The following ZP3 variants were observed in gnomAD, a reference collection of about 807,000 sequenced individuals.
ZP3 encodes zona pellucida glycoprotein 3, also known as zona pellucida sperm-binding protein 3.
In ZP3, 21 loss-of-function variants were observed where a neutral mutation model predicts 35.6. The observed-to-expected ratio is 0.59, with a 90% CI of 0.42 to 0.85. The LOEUF is 0.85. Among genes scored for constraint, ZP3 ranks in the 40% least tolerant of loss-of-function variants. The probability of loss-of-function intolerance (pLI) is 0.00; values close to 1 mark genes in which losing one functional copy is unlikely to be tolerated. For synonymous variants in ZP3, 207 were observed against 214.5 expected (o/e 0.96, Z 0.31); for missense variants, 437 against 536.5 (o/e 0.81, Z 1.83).
chr7:76,404,182 G>A (rs913722295), intron 1 of ZP3: 2 of 1,345,022 alleles, frequency 1.5e-6, no homozygotes, highest in Non-Finnish European at 2.0e-6. Context: ...TCTGGGCAAA[G>A]GTCAGCATTG....
At chr7:76,429,163 T>C in intron 1 of ZP3, 1 of 284,060 alleles carries the variant, frequency 3.5e-6, no homozygotes, top group Non-Finnish European at 7.0e-6. Context: ...GTATCTGCCA[T>C]GTGGTTGATC....
At chr7:76,410,657 C>T (rs755775226) in intron 1 of ZP3, among the ~76,000 whole-genome samples, 6 of 152,038 alleles carry the variant, frequency 3.9e-5, no homozygotes, top group Admixed American at 6.6e-5. Flanking sequence ...ACTTAATTTC[C>T]TGACTCCTGG....
intron 1 of ZP3, chr7:76,400,253 G>T: frequency 4.2e-6 from 6 of 1,435,206 alleles, no homozygotes; most frequent in Non-Finnish European, 4.6e-6. Flanking sequence ...GCCACAGTCT[G>T]TCTGTCCCTC....
rs2906996 is a variant in ZP3 at position 76,440,620 on chromosome 7, C to T, written c.1060+9C>T. ...CCGTAACCGCAGGCATGGTATGTCA[C>T]AGAATGGCCAAGAGGCTGTTCATTG... On this transcript the variant is annotated intron_variant, in intron 7 of 7. Coordinates refer to ENST00000394857, the MANE Select transcript of ZP3 (RefSeq NM_001110354.2). 0.052 allele frequency: 71,451 copies of T among 1,378,376 alleles called. No individual in the cohort carries two copies. The highest frequency in any genetic ancestry group is 0.056 in the Non-Finnish European group (57,673 of 1,028,458). The allele number at this position is 1,378,376 out of a possible 1,614,324, so 85.4% of individuals were successfully genotyped here.
intron 1 of ZP3, among the ~76,000 whole-genome samples, chr7:76,414,531 C>T (rs572794426): frequency 3.3e-5 from 5 of 151,712 alleles, no homozygotes; most frequent in African/African-American, 9.7e-5. Context: ...CTGAGTTTGC[C>T]TATTACGGAA....
At chr7:76,436,942 G>A (rs1345001495) in intron 5 of ZP3, among the ~76,000 whole-genome samples, 3 of 152,112 alleles carry the variant, frequency 2.0e-5, no homozygotes, top group African/African-American at 7.2e-5. Context: ...CTGAGCCCTT[G>A]GAGGGCCCCC....
chr7:76,400,883 C>T (rs1804801985), intron 1 of ZP3: 1 of 1,333,700 alleles, frequency 7.5e-7, no homozygotes, highest in Non-Finnish European at 1.0e-6. Context: ...ACTACAGCTC[C>T]CCTGAGATGG....
intron 1 of ZP3, among the ~76,000 whole-genome samples, chr7:76,410,999 G>A (rs111423064): frequency 0.2 from 14,784 of 75,414 alleles, 608 homozygotes; most frequent in African/African-American, 0.28. Context: ...CATCTCAAAA[G>A]AAAAAAAAAA....
chr7:76,434,174 T>G lies in ZP3; in HGVS notation c.831+19T>G. 1 of 1,090,058 alleles carries G rather than the reference T, an allele frequency of 9.2e-7. No homozygotes were observed. The highest frequency in any genetic ancestry group is 1.3e-6 in the Non-Finnish European group (1 of 752,144). The allele number at this position is 1,090,058 out of a possible 1,614,324, so 67.5% of individuals were successfully genotyped here. The stretch of plus-strand genomic sequence containing the variant: ...AAACATGGTAAGAGCTTTAACAGCC[T>G]GAAAGAAGGCTGAACTTGCAACCTT... On this transcript the variant is annotated intron_variant, in intron 5 of 7. Coordinates refer to ENST00000394857, the MANE Select transcript of ZP3 (RefSeq NM_001110354.2).
upstream of ZP3, among the ~76,000 whole-genome samples, chr7:76,423,007 A>G (rs6960611): frequency 3.8e-3 from 286 of 75,976 alleles, 9 homozygotes; most frequent in Admixed American, 0.013. Flanking sequence ...AAAAGAAAGA[A>G]AGAGAGAGAG....
chr7:76,399,820 G>A (rs1160397885), intron 1 of ZP3, among the ~76,000 whole-genome samples: 1 of 152,056 alleles, frequency 6.6e-6, no homozygotes, highest in Non-Finnish European at 1.5e-5. Flanking sequence ...CACCATGCCC[G>A]GCTGATTGTC....
intron 1 of ZP3, among the ~76,000 whole-genome samples, chr7:76,426,776 T>G (rs1805668686): frequency 6.6e-6 from 1 of 151,576 alleles, no homozygotes; most frequent in South Asian, 2.1e-4. Context: ...GCGCCTATAA[T>G]CCCAGCACTT....
chr7:76,416,827 TAC>T (rs1554623886), intron 1 of ZP3, among the ~76,000 whole-genome samples: 7 of 147,748 alleles, frequency 4.7e-5, no homozygotes, highest in Non-Finnish European at 6.0e-5. Context: ...TATATATATA[TAC>T]ATATACATAC....
intron 3 of ZP3, 98 bp downstream of exon 3, chr7:76,433,128 G>T: frequency 1.6e-6 from 1 of 622,998 alleles, no homozygotes; most frequent in East Asian, 2.8e-5. Flanking sequence ...TTTGGTTTTG[G>T]TTTTGGTTGG....
upstream of ZP3, among the ~76,000 whole-genome samples, chr7:76,423,079 G>GAAAGAAAGAAAGAAAGAAAGAAAGAAAGA (rs1805563080): frequency 1.4e-5 from 2 of 138,598 alleles, no homozygotes; most frequent in African/African-American, 5.7e-5. Flanking sequence ...AAGAAAGAAA[G>GAAAGAAAGAAAGAAAGAAAGAAAGAAAGA]AAAGAAAAGA....
At chr7:76,416,953 T>TACACATATGTATACATAC (rs1554623917) in intron 1 of ZP3, among the ~76,000 whole-genome samples, 1 of 121,388 alleles carries the variant, frequency 8.2e-6, no homozygotes, top group African/African-American at 4.1e-5. Flanking sequence ...TACATATATA[T>TACACATATGTATACATAC]ATATATATAT....
intron 5 of ZP3, among the ~76,000 whole-genome samples, chr7:76,436,090 C>T (rs1473000939): frequency 2.8e-5 from 3 of 105,352 alleles, no homozygotes; most frequent in South Asian, 6.6e-4. Flanking sequence ...GGGTCTCTGT[C>T]ACCCAGGCTG....
At chr7:76,405,303 A>G (rs1158341279) in intron 1 of ZP3, among the ~76,000 whole-genome samples, 8 of 45,032 alleles carry the variant, frequency 1.8e-4, no homozygotes, top group African/African-American at 9.5e-4. Context: ...ATATATATAT[A>G]TATATATATA....
chr7:76,415,382 T>TTATG (rs1805345110), intron 1 of ZP3, among the ~76,000 whole-genome samples: 1 of 92,704 alleles, frequency 1.1e-5, no homozygotes, highest in Admixed American at 1.1e-4. Context: ...AAAAAAAAGG[T>TTATG]CTGGAATGAT....
Sources: allele counts gnomAD v4.1 joint callset (sites outside exome capture counted in the v4.1 genomes callset), GRCh38; gene constraint gnomAD v4.1.1; transcripts MANE v1.5; gene names NCBI Gene and HGNC (gene_info 2026-07-23, HGNC 2026-07-21).